PPP1R12B: variants seen among roughly 807,000 people sequenced by gnomAD.
PPP1R12B encodes protein phosphatase 1 regulatory subunit 12B.
In PPP1R12B, 76 loss-of-function variants were observed where a neutral mutation model predicts 126.1. The ratio of observed to expected loss-of-function variants is 0.60; its 90% CI spans 0.50 to 0.73. The LOEUF is 0.73. PPP1R12B is among the 30% of genes least tolerant of loss of function. The pLI is 0.00. For missense variants in PPP1R12B, 1,052 were observed against 1,205.1 expected, an observed-to-expected ratio of 0.87 and a Z score of 1.88; for synonymous variants, 356 against 434.7, an observed-to-expected ratio of 0.82 and a Z score of 2.25.
intron 18 of PPP1R12B, among the ~76,000 whole-genome samples, chr1:202,529,728 C>T (rs1683730471): frequency 1.3e-5 from 2 of 152,142 alleles, no homozygotes; most frequent in Admixed American, 6.5e-5. Flanking sequence ...GGCAGTAATA[C>T]GTTTTGCCTG....
intron 23 of PPP1R12B, chr1:202,576,025 C>A (rs1317652703): frequency 6.6e-6 from 1 of 152,244 alleles, no homozygotes; most frequent in African/African-American, 2.4e-5. Context: ...GGAGGCATAT[C>A]TCTCATTCCC....
chr1:202,403,216 C>T (rs1264702632), intron 1 of PPP1R12B, among the ~76,000 whole-genome samples: 1 of 152,218 alleles, frequency 6.6e-6, no homozygotes, highest in Non-Finnish European at 1.5e-5. Context: ...TGCCACTCAA[C>T]TCCAACCAGT....
chr1:202,562,338 C>T (rs1013976332), intron 19 of PPP1R12B, among the ~76,000 whole-genome samples: 2 of 152,216 alleles, frequency 1.3e-5, no homozygotes, highest in Non-Finnish European at 2.9e-5. Context: ...CCATTTCATT[C>T]CTATTCAACC....
At chr1:202,571,052 A>G (rs952239025) in intron 23 of PPP1R12B, among the ~76,000 whole-genome samples, 15 of 152,232 alleles carry the variant, frequency 9.9e-5, no homozygotes, top group Admixed American at 6.5e-4. Flanking sequence ...CTCACCAGTC[A>G]TGGGGCTCTG....
rs1448280789 is a variant in PPP1R12B at position 202,508,833 on chromosome 1, C to T, written c.2490+12011C>T. 1.3e-5 allele frequency among the ~76,000 whole-genome samples: 2 copies of T among 152,156 alleles called. No homozygotes were observed. The highest frequency in any genetic ancestry group is 4.8e-5 in the African/African-American group (2 of 41,426). On this transcript the variant is annotated intron_variant, in intron 18 of 23. Coordinates refer to ENST00000608999, the MANE Select transcript of PPP1R12B (RefSeq NM_002481.4). The surrounding 1 kb of genome is among the most constrained non-coding windows in gnomAD (Gnocchi z 4.5). ...CCGGCAGAACATGTTGGTGGTGGGA[C>T]AGTGGTAGCAGCCTCACTTCATCTT...
At chr1:202,385,138 C>T (rs560900105) in intron 1 of PPP1R12B, among the ~76,000 whole-genome samples, 1 of 152,294 alleles carries the variant, frequency 6.6e-6, no homozygotes, top group South Asian at 2.1e-4. Context: ...GGGGTTTGTG[C>T]ATGACCAACT....
At position 202,442,551 on chromosome 1, in the gene PPP1R12B, A is replaced by G. The variant is rs142827848; in HGVS notation, c.1646A>G (p.Tyr549Cys). ...CCACAGACAATTGCTCCCTCCACCT[A>G]TGTATCAACTTACTTGAAAAGGTAC... is the stretch of plus-strand genomic sequence containing the variant. ...EIPQTIAPSTYVSTYLKRTPH... is the reference protein window; with the variant it reads ...EIPQTIAPSTCVSTYLKRTPH... Residue 549 changes from tyrosine to cysteine, a missense_variant, in exon 12 of 24, where the codon TAT becomes TGT. Tyr to Cys is a radical substitution (Grantham distance 194, BLOSUM62 -2). Transcript: ENST00000608999. The G allele has an allele frequency of 4.5e-4, 728 of 1,612,818 alleles. 7 individuals are homozygous for G. The African/African-American group carries it at 8.2e-3, about 18-fold the overall frequency.
intron 1 of PPP1R12B, among the ~76,000 whole-genome samples, chr1:202,361,443 C>G (rs1361659831): frequency 6.6e-6 from 1 of 152,154 alleles, no homozygotes; most frequent in African/African-American, 2.4e-5. Context: ...AGGTACCATA[C>G]TCTTTTAAAC....
chr1:202,488,176 G>C (rs1435065014), intron 13 of PPP1R12B, among the ~76,000 whole-genome samples: 1 of 152,198 alleles, frequency 6.6e-6, no homozygotes, highest in African/African-American at 2.4e-5. Flanking sequence ...TGCATGATTT[G>C]CATCTCAGGA....
chr1:202,359,966 G>A (rs1258669763), intron 1 of PPP1R12B, among the ~76,000 whole-genome samples: 1 of 152,026 alleles, frequency 6.6e-6, no homozygotes, highest in African/African-American at 2.4e-5. Flanking sequence ...TTCAAATAAG[G>A]TCTGTTTTGA....
intron 1 of PPP1R12B, among the ~76,000 whole-genome samples, chr1:202,409,309 T>G (rs1401111915): frequency 5.4e-5 from 8 of 147,562 alleles, no homozygotes; most frequent in African/African-American, 1.7e-4. Flanking sequence ...CACAAGGATT[T>G]TAATTCCTTG....
chr1:202,575,425 G>T (rs1689006962), intron 23 of PPP1R12B: 1 of 368,198 alleles, frequency 2.7e-6, no homozygotes, highest in Non-Finnish European at 5.0e-6. Flanking sequence ...GACTGAGTAT[G>T]AATTTGTTCA....
intron 18 of PPP1R12B, among the ~76,000 whole-genome samples, chr1:202,543,524 G>A (rs963901195): frequency 1.8e-4 from 27 of 152,126 alleles, no homozygotes; most frequent in Admixed American, 3.9e-4. Flanking sequence ...CGTGGACCAC[G>A]AGGTCAGGAG....
At chr1:202,533,030 C>T (rs1233094385) in intron 18 of PPP1R12B, among the ~76,000 whole-genome samples, 10 of 151,672 alleles carry the variant, frequency 6.6e-5, no homozygotes, top group East Asian at 1.9e-4. Context: ...CCACCACACC[C>T]GGCTAATTTT....
intron 1 of PPP1R12B, among the ~76,000 whole-genome samples, chr1:202,384,730 T>C (rs770675579): frequency 6.6e-6 from 1 of 152,240 alleles, no homozygotes; most frequent in African/African-American, 2.4e-5. Flanking sequence ...AATGAAGATG[T>C]TATAAAAGAC....
At chr1:202,372,465 A>T (rs1480260448) in intron 1 of PPP1R12B, among the ~76,000 whole-genome samples, 1 of 152,100 alleles carries the variant, frequency 6.6e-6, no homozygotes. Flanking sequence ...GATCAACACT[A>T]AACTTCAGCC....
chr1:202,371,858 CTTTTTT>C (rs1193939057), intron 1 of PPP1R12B, among the ~76,000 whole-genome samples: 2 of 75,342 alleles, frequency 2.7e-5, no homozygotes, highest in Non-Finnish European at 5.0e-5. Context: ...ATTATAGTTT[CTTTTTT>C]TTTTTTTTTT....
At chr1:202,452,476 T>C (rs929903340) in intron 13 of PPP1R12B, among the ~76,000 whole-genome samples, 2 of 151,670 alleles carry the variant, frequency 1.3e-5, no homozygotes, top group African/African-American at 2.4e-5. Flanking sequence ...GGCAGGGAGG[T>C]TGCAGTGAGC....
intron 1 of PPP1R12B, among the ~76,000 whole-genome samples, chr1:202,389,470 C>T (rs1663733508): frequency 6.6e-6 from 1 of 151,518 alleles, no homozygotes; most frequent in South Asian, 2.1e-4. Flanking sequence ...CGGTGAAACC[C>T]CGTCTCTACT....
Sources: allele counts gnomAD v4.1 joint callset (sites outside exome capture counted in the v4.1 genomes callset), GRCh38; gene constraint gnomAD v4.1.1; non-coding constraint Gnocchi (gnomAD v3.1); transcripts MANE v1.5; gene names NCBI Gene and HGNC (gene_info 2026-07-23, HGNC 2026-07-21).